GPR137C: variants seen among roughly 807,000 people sequenced by gnomAD.
GPR137C encodes the protein integral membrane protein GPR137C.
GPR137C carries 27 observed loss-of-function variants against 43.4 expected under a neutral mutation model. That is an observed-to-expected ratio of 0.62 (90% CI 0.46 to 0.86). GPR137C has a LOEUF of 0.86. GPR137C is among the 40% of genes least tolerant of loss of function. The probability of loss-of-function intolerance (pLI) is 0.00; values close to 1 mark genes in which losing one functional copy is unlikely to be tolerated. For missense variants in GPR137C, 522 were observed against 534.6 expected (o/e 0.98, Z 0.23); for synonymous variants, 285 against 226.9 (o/e 1.26, Z -2.30).
chr14:52,570,082 G>A lies in GPR137C; in HGVS notation c.444+16491G>A, dbSNP rs564883806. 4.0e-3 allele frequency among the ~76,000 whole-genome samples: 615 copies of A among 152,250 alleles called. 1 individual carries two copies. The highest frequency in any genetic ancestry group is 0.016 in the South Asian group (75 of 4,822). On this transcript the variant is annotated intron_variant, in intron 1 of 6. Coordinates refer to ENST00000321662, the MANE Select transcript of GPR137C (RefSeq NM_001099652.2). Reference sequence around the variant, plus strand: ...GTTGAAATGAAGGAAAAAATGTTAAGGGCAGCTAGAGAGAAAGGTCGGGTT... The same window carrying A: ...GTTGAAATGAAGGAAAAAATGTTAAAGGCAGCTAGAGAGAAAGGTCGGGTT...
chr14:52,553,474 C>T lies in GPR137C; in HGVS notation c.327C>T (p.Ser109=). ...CCGCCGCCTTCTCGCTCAGCGGCTC[C>T]CTGCCCTTGCTCCGGCCGCCCGCTC... ...LFSAAFSLSG[S]LPLLRPPAHL... Residue 109 remains serine, a synonymous_variant, in exon 1 of 7, where the codon TCC becomes TCT. Coordinates refer to ENST00000321662, the MANE Select transcript of GPR137C (RefSeq NM_001099652.2). 6.2e-7 allele frequency: 1 copy of T among 1,608,826 alleles called. No individual in the cohort carries two copies. The highest frequency in any genetic ancestry group is 8.5e-7 in the Non-Finnish European group (1 of 1,179,792).
intron 1 of GPR137C, among the ~76,000 whole-genome samples, chr14:52,589,816 G>C (rs1428476441): frequency 6.6e-6 from 1 of 152,134 alleles, no homozygotes; most frequent in Non-Finnish European, 1.5e-5. Flanking sequence ...TAACGTCATA[G>C]CACAATGCAT....
chr14:52,562,452 T>A (rs564618485), intron 1 of GPR137C, among the ~76,000 whole-genome samples: 1 of 152,278 alleles, frequency 6.6e-6, no homozygotes, highest in South Asian at 2.1e-4. Context: ...CAAGCCAGAA[T>A]TCAGTAACAA....
At chr14:52,563,438 T>G (rs150945433) in intron 1 of GPR137C, among the ~76,000 whole-genome samples, 1 of 152,304 alleles carries the variant, frequency 6.6e-6, no homozygotes, top group East Asian at 1.9e-4. Flanking sequence ...GCACTCAGAT[T>G]CAACATGATC....
At chr14:52,606,467 T>C (rs1021787063) in intron 3 of GPR137C, among the ~76,000 whole-genome samples, 8 of 152,156 alleles carry the variant, frequency 5.3e-5, no homozygotes, top group Non-Finnish European at 1.0e-4. Context: ...GACAGTGTCT[T>C]GCTGTGTCAC....
intron 3 of GPR137C, among the ~76,000 whole-genome samples, chr14:52,615,062 A>G (rs1029351569): frequency 6.6e-6 from 1 of 152,184 alleles, no homozygotes; most frequent in Non-Finnish European, 1.5e-5. Context: ...AGTTTCCCCA[A>G]GTAGTAGTAG....
chr14:52,609,627 T>C (rs914472330), intron 3 of GPR137C, among the ~76,000 whole-genome samples: 2 of 152,244 alleles, frequency 1.3e-5, no homozygotes, highest in Non-Finnish European at 2.9e-5. Flanking sequence ...GTCTCAGCAC[T>C]GGAGGACGCT....
At chr14:52,632,090 G>A (rs970825023) in intron 3 of GPR137C, 70 bp from the exon 4 acceptor site, 32 of 1,014,010 alleles carry the variant, frequency 3.2e-5, no homozygotes, top group African/African-American at 4.8e-5. Context: ...TGACCATATT[G>A]TATGTACATG....
intron 1 of GPR137C, among the ~76,000 whole-genome samples, chr14:52,569,418 GA>G (rs1161874598): frequency 1.3e-5 from 2 of 151,914 alleles, no homozygotes; most frequent in Admixed American, 6.6e-5. Context: ...ACCAGCAAGG[GA>G]ACAAAACTGG....
chr14:52,593,984 T>C (rs1427453650), intron 1 of GPR137C, among the ~76,000 whole-genome samples: 1 of 152,262 alleles, frequency 6.6e-6, no homozygotes, highest in Non-Finnish European at 1.5e-5. Context: ...TAAATTTCCC[T>C]CTACACACTG....
At chr14:52,567,612 A>G (rs2038390406) in intron 1 of GPR137C, among the ~76,000 whole-genome samples, 1 of 144,474 alleles carries the variant, frequency 6.9e-6, no homozygotes, top group South Asian at 2.2e-4. Flanking sequence ...GTTGTAAGCT[A>G]TTGTCAGCGT....
rs1483442090 is a variant in GPR137C at position 52,553,189 on chromosome 14, C to G, written c.42C>G (p.Pro14=). The change falls in exon 1 of 7, where the codon CCC becomes CCG. Residue 14 remains proline, a synonymous_variant. Coordinates refer to ENST00000321662, the MANE Select transcript of GPR137C (RefSeq NM_001099652.2). ...CGGGTCCGGCGGCCGCTGCCGCCCC[C>G]GCAGCCGGCCGCGAGCCCTCCACGC... ...SVPGPAAAAA[P]AAGREPSTPG... is the part of the protein sequence containing the mutation. The G allele has an allele frequency of 4.2e-6, 5 of 1,204,686 alleles. No homozygotes were observed. The highest frequency in any genetic ancestry group is 1.6e-5 in the African/African-American group (1 of 62,968). 74.6% of individuals were successfully genotyped at this position (1,204,686 alleles called of 1,614,324 possible). A position where few individuals can be genotyped will look rare whatever the true frequency, so the allele number is the denominator to read the frequency against.
chr14:52,598,034 T>C (rs1014559511), intron 1 of GPR137C, among the ~76,000 whole-genome samples: 1 of 152,222 alleles, frequency 6.6e-6, no homozygotes, highest in Non-Finnish European at 1.5e-5. Context: ...ATTAATTCTG[T>C]TTAAATCTTT....
chr14:52,626,571 C>T (rs2039230004), intron 3 of GPR137C, among the ~76,000 whole-genome samples: 1 of 151,924 alleles, frequency 6.6e-6, no homozygotes, highest in African/African-American at 2.4e-5. Context: ...GAATGTTCTC[C>T]CCCTAAGATT....
At chr14:52,612,624 C>G (rs1207349750) in intron 3 of GPR137C, 8 of 540,042 alleles carry the variant, frequency 1.5e-5, no homozygotes, top group African/African-American at 2.1e-5. Context: ...TGTAGTGGCG[C>G]AATTATAGCT....
At chr14:52,584,533 T>C (rs1313846929) in intron 1 of GPR137C, among the ~76,000 whole-genome samples, 1 of 152,210 alleles carries the variant, frequency 6.6e-6, no homozygotes, top group African/African-American at 2.4e-5. Flanking sequence ...GTAATCATTT[T>C]TATTATAGAA....
chr14:52,575,992 G>C (rs777211436), intron 1 of GPR137C, among the ~76,000 whole-genome samples: 3 of 152,120 alleles, frequency 2.0e-5, no homozygotes, highest in Admixed American at 6.5e-5. Context: ...TTTACTGGGG[G>C]TTGGTCATAT....
At chr14:52,606,203 T>C (rs188781243) in intron 3 of GPR137C, among the ~76,000 whole-genome samples, 1 of 152,282 alleles carries the variant, frequency 6.6e-6, no homozygotes, top group East Asian at 1.9e-4. Context: ...GGGACTTTAT[T>C]ACTGTTTTAA....
intron 3 of GPR137C, among the ~76,000 whole-genome samples, chr14:52,630,621 C>T (rs1172147631): frequency 6.6e-6 from 1 of 152,044 alleles, no homozygotes; most frequent in African/African-American, 2.4e-5. Flanking sequence ...TATCTTTTAT[C>T]TTTTAGTTCT....
Sources: gnomAD v4.1 joint callset for allele counts (sites outside exome capture counted in the v4.1 genomes callset) on GRCh38, gnomAD v4.1.1 for gene constraint, MANE v1.5 for transcripts, NCBI Gene and HGNC (gene_info 2026-07-23, HGNC 2026-07-21) for gene names.